The following GOLPH3L variants were observed in gnomAD, a reference collection of about 807,000 sequenced individuals.
GOLPH3L encodes the protein golgi phosphoprotein 3 like, also known as Golgi phosphoprotein 3-like.
Under a neutral mutation model 30.3 loss-of-function variants are expected in GOLPH3L, and 22 were observed. The ratio of observed to expected loss-of-function variants is 0.73; its 90% CI spans 0.52 to 1.04. The LOEUF (loss-of-function observed/expected upper bound fraction) is 1.04, where lower values mean the gene tolerates loss of function less well. Among genes scored for constraint, GOLPH3L ranks in the 50% least tolerant of loss-of-function variants. The pLI is 0.00. For synonymous variants in GOLPH3L, 120 were observed against 128.2 expected (o/e 0.94, Z 0.43); for missense variants, 303 against 345.8 (o/e 0.88, Z 0.98).
At chr1:150,687,032 G>A (rs778879741) in intron 2 of GOLPH3L, among the ~76,000 whole-genome samples, 1 of 152,132 alleles carries the variant, frequency 6.6e-6, no homozygotes, top group East Asian at 1.9e-4. Flanking sequence ...ATTCACAATC[G>A]CAGTAGCTAC....
chr1:150,654,552 G>A (rs1221756300), intron 4 of GOLPH3L, among the ~76,000 whole-genome samples: 1 of 151,854 alleles, frequency 6.6e-6, no homozygotes, highest in Non-Finnish European at 1.5e-5. Context: ...CAAATTTGAA[G>A]AAGCAGAAGA....
Position 150,694,856 on chromosome 1 carries a change from G to A in GOLPH3L, c.-12-6C>T, listed in dbSNP as rs761135708. ...GTGGTCATTCTCACCTGTTTCTGGAGGGAGTGGTGAAAAAAAAAATCCATA... is the reference window on the plus strand; with the variant it reads ...GTGGTCATTCTCACCTGTTTCTGGAAGGAGTGGTGAAAAAAAAAATCCATA... On this transcript the variant is annotated splice_region_variant and splice_polypyrimidine_tract_variant and intron_variant, in intron 1 of 4. Transcript: ENST00000271732. 2 of 1,558,656 alleles carry A rather than the reference G, an allele frequency of 1.3e-6. No homozygotes were observed. Among genetic ancestry groups the A allele is most frequent in the Non-Finnish European group, 1.7e-6 (2 of 1,153,250 alleles).
intron 4 of GOLPH3L, among the ~76,000 whole-genome samples, chr1:150,651,635 C>A (rs1469959827): frequency 9.8e-6 from 1 of 102,084 alleles, no homozygotes. Context: ...AGCGACAGAG[C>A]GAAACTCAAA....
intron 4 of GOLPH3L, among the ~76,000 whole-genome samples, chr1:150,661,348 T>C (rs747406498): frequency 6.6e-6 from 1 of 152,146 alleles, no homozygotes; most frequent in Non-Finnish European, 1.5e-5. Flanking sequence ...AATGAAAACA[T>C]GTTCAAACAA....
chr1:150,669,810 A>C (rs1650600815), intron 2 of GOLPH3L, among the ~76,000 whole-genome samples: 2 of 152,002 alleles, frequency 1.3e-5, no homozygotes, highest in African/African-American at 2.4e-5. Context: ...AAAAATACAA[A>C]AATTAGCTGG....
At chr1:150,665,678 C>T (rs1196344795) in intron 2 of GOLPH3L, among the ~76,000 whole-genome samples, 1 of 151,398 alleles carries the variant, frequency 6.6e-6, no homozygotes, top group East Asian at 1.9e-4. Flanking sequence ...TTTTTTTTAG[C>T]CTCATAAATT....
intron 4 of GOLPH3L, among the ~76,000 whole-genome samples, chr1:150,650,853 C>T (rs587669914): frequency 2.0e-5 from 3 of 152,212 alleles, no homozygotes; most frequent in East Asian, 3.9e-4. Flanking sequence ...AATTGTGACC[C>T]ATTGACCCAT....
At chr1:150,661,664 C>A in intron 4 of GOLPH3L, 150 bp downstream of exon 4, 1 of 558,484 alleles carries the variant, frequency 1.8e-6, no homozygotes, top group Non-Finnish European at 3.2e-6. Flanking sequence ...TATCAATTAA[C>A]CATGCTTTTT....
At chr1:150,683,699 C>CAAAAAAAAAAAAAACAAA (rs1651016069) in intron 2 of GOLPH3L, among the ~76,000 whole-genome samples, 1 of 14,958 alleles carries the variant, frequency 6.7e-5, no homozygotes, top group Non-Finnish European at 1.2e-4. Context: ...GACTCTCTCT[C>CAAAAAAAAAAAAAACAAA]AAAAAAAAAA....
intron 2 of GOLPH3L, among the ~76,000 whole-genome samples, chr1:150,672,677 C>A (rs587619261): frequency 6.6e-6 from 1 of 152,226 alleles, no homozygotes; most frequent in South Asian, 2.1e-4. Flanking sequence ...GTGATCCACC[C>A]ACCTCAGCCT....
chr1:150,663,680 G>T lies in GOLPH3L; in HGVS notation c.267C>A (p.Ile89=), dbSNP rs758827970. Residue 89 remains isoleucine, a synonymous_variant, in exon 3 of 5, where the codon ATC becomes ATA. Transcript: ENST00000271732. ...ILIELAMRGR[I]YLEPPTMRKK... is the part of the protein sequence containing the mutation. ...TACGCATGGTCGGGGGTTCCAGATA[G>T]ATTCGACCCCGCATGGCCAGCTCTA... 97 of 1,613,740 alleles carry T rather than the reference G, an allele frequency of 6.0e-5. No individual in the cohort carries two copies. The highest frequency in any genetic ancestry group is 7.8e-5 in the Non-Finnish European group (92 of 1,179,806).
At chr1:150,670,554 G>T (rs902486417) in intron 2 of GOLPH3L, among the ~76,000 whole-genome samples, 1 of 146,768 alleles carries the variant, frequency 6.8e-6, no homozygotes, top group Non-Finnish European at 1.5e-5. Context: ...CCGAGATTGT[G>T]CCACTGCACT....
chr1:150,685,986 T>C (rs2101816188), intron 2 of GOLPH3L, among the ~76,000 whole-genome samples: 1 of 149,740 alleles, frequency 6.7e-6, no homozygotes, highest in Admixed American at 6.7e-5. Context: ...GCAATTCTCC[T>C]GCCTCAGCCT....
intron 2 of GOLPH3L, among the ~76,000 whole-genome samples, chr1:150,689,250 T>A (rs1253561664): frequency 6.6e-6 from 1 of 152,086 alleles, no homozygotes; most frequent in South Asian, 2.1e-4. Context: ...AAAAACATTA[T>A]CCACAAATTA....
intron 4 of GOLPH3L, among the ~76,000 whole-genome samples, chr1:150,654,047 G>A (rs587653163): frequency 1.1e-4 from 17 of 151,964 alleles, no homozygotes; most frequent in African/African-American, 2.9e-4. Flanking sequence ...ACAGGTGTGA[G>A]CCACCGCACC....
intron 1 of GOLPH3L, among the ~76,000 whole-genome samples, chr1:150,695,722 G>A (rs992469251): frequency 6.6e-6 from 1 of 152,092 alleles, no homozygotes. Flanking sequence ...CTCATTTCAT[G>A]TACTCACTTT....
At chr1:150,694,307 T>C in intron 2 of GOLPH3L, 1 of 278,248 alleles carries the variant, frequency 3.6e-6, no homozygotes, top group Non-Finnish European at 7.1e-6. Flanking sequence ...TCCTCAAAGC[T>C]GAAGAAGACT....
intron 2 of GOLPH3L, among the ~76,000 whole-genome samples, chr1:150,669,213 G>T (rs1260718788): frequency 1.3e-5 from 2 of 152,090 alleles, no homozygotes; most frequent in African/African-American, 2.4e-5. Flanking sequence ...TTTAGAAAAA[G>T]AAAATAACTG....
At chr1:150,673,520 C>A (rs1396116141) in intron 2 of GOLPH3L, among the ~76,000 whole-genome samples, 1 of 150,092 alleles carries the variant, frequency 6.7e-6, no homozygotes, top group African/African-American at 2.5e-5. Context: ...GAGCTGAGAT[C>A]GCACCACTGC....
Sources: allele counts gnomAD v4.1 joint callset (sites outside exome capture counted in the v4.1 genomes callset), GRCh38; gene constraint gnomAD v4.1.1; transcripts MANE v1.5; gene names NCBI Gene and HGNC (gene_info 2026-07-23, HGNC 2026-07-21).